PCDH11X: variants seen among roughly 807,000 people sequenced by gnomAD.
PCDH11X encodes the protein protocadherin-11 X-linked.
In PCDH11X, 18 loss-of-function variants were observed where a neutral mutation model predicts 53.3. That is an observed-to-expected ratio of 0.34 (90% CI 0.23 to 0.50). The LOEUF (loss-of-function observed/expected upper bound fraction) is 0.50. PCDH11X is among the 20% of genes least tolerant of loss of function. PCDH11X has a pLI of 0.98. For missense variants in PCDH11X, 570 were observed against 1,032.4 expected, an observed-to-expected ratio of 0.55 and a Z score of 6.14; for synonymous variants, 279 against 393.3, an observed-to-expected ratio of 0.71 and a Z score of 3.44.
At chrX:92,510,205 C>T (rs1250747718) in intron 10 of PCDH11X, among the ~76,000 whole-genome samples, 22 of 105,820 alleles carry the variant, frequency 2.1e-4, no homozygotes, top group Non-Finnish European at 3.3e-4. Context: ...GTGTAACTAA[C>T]AGGGATCATT....
intron 6 of PCDH11X, among the ~76,000 whole-genome samples, chrX:92,049,829 A>G (rs1602754507): frequency 9.0e-6 from 1 of 111,706 alleles, no homozygotes; most frequent in African/African-American, 3.3e-5. Context: ...TCTGGAATGC[A>G]GTGGCACAAT....
At chrX:91,992,920 G>A (rs746069085) in intron 6 of PCDH11X, among the ~76,000 whole-genome samples, 5 of 111,866 alleles carry the variant, frequency 4.5e-5, no homozygotes, top group African/African-American at 1.6e-4. Flanking sequence ...CACTACTGGT[G>A]TAAATGGGGT....
intron 9 of PCDH11X, among the ~76,000 whole-genome samples, chrX:92,419,332 C>T (rs1462704513): frequency 5.0e-5 from 5 of 99,517 alleles, no homozygotes; most frequent in Non-Finnish European, 1.0e-4. Flanking sequence ...GTTGCCCCAG[C>T]TGGCTCAAAC....
intron 4 of PCDH11X, among the ~76,000 whole-genome samples, chrX:91,820,860 G>C (rs1348426001): frequency 9.6e-6 from 1 of 103,897 alleles, no homozygotes; most frequent in African/African-American, 4.1e-5. Flanking sequence ...TAAGGTGTAA[G>C]GAAGGGATCC....
In PCDH11X at chrX:92,494,589, A is replaced by T. The variant is rs1196815205; in HGVS notation, c.3367+26267A>T. ...CCTTGTTTTTGCCAGTGGATTTTTT[A>T]GGCCGGCACCACTGTAATCCATTAT... On this transcript the variant is annotated intron_variant, in intron 10 of 10. Coordinates refer to ENST00000682573, the MANE Select transcript of PCDH11X (RefSeq NM_032968.5). 3.6e-5 allele frequency among the ~76,000 whole-genome samples: 4 copies of T among 111,576 alleles called. No homozygotes were observed. The East Asian group carries it at 8.5e-4, about 24-fold the overall frequency.
At chrX:91,793,640 G>A in intron 1 of PCDH11X, among the ~76,000 whole-genome samples, 1 of 111,581 alleles carries the variant, frequency 9.0e-6, no homozygotes, top group Non-Finnish European at 1.9e-5. Context: ...AACTTCAAGG[G>A]ATTGTCTTCT....
chrX:91,826,114 A>C (rs1007289545), intron 4 of PCDH11X, among the ~76,000 whole-genome samples: 3 of 111,728 alleles, frequency 2.7e-5, no homozygotes, highest in African/African-American at 9.8e-5. Context: ...GGTTAATATT[A>C]CATTTATATT....
At chrX:92,545,444 C>G (rs1277011731) in intron 10 of PCDH11X, among the ~76,000 whole-genome samples, 15 of 94,576 alleles carry the variant, frequency 1.6e-4, no homozygotes, top group Non-Finnish European at 2.9e-4. Flanking sequence ...CTCTGTCACC[C>G]AGGCTGGAAT....
intron 6 of PCDH11X, among the ~76,000 whole-genome samples, chrX:92,129,052 T>C (rs1404263109): frequency 1.8e-5 from 2 of 110,809 alleles, no homozygotes; most frequent in Non-Finnish European, 3.8e-5. Flanking sequence ...CCATAAATAG[T>C]GTATATTTCT....
chrX:91,948,360 G>T (rs1275843157), intron 6 of PCDH11X, among the ~76,000 whole-genome samples: 1 of 110,108 alleles, frequency 9.1e-6, no homozygotes, highest in Non-Finnish European at 1.9e-5. Context: ...TTCTGTTACA[G>T]CCAGAAAGGA....
intron 5 of PCDH11X, among the ~76,000 whole-genome samples, chrX:91,862,091 T>C (rs1938705984): frequency 9.1e-6 from 1 of 109,623 alleles, no homozygotes; most frequent in South Asian, 4.1e-4. Flanking sequence ...GTCTGATTTT[T>C]GTATCTGGGT....
rs12560026 is a variant in PCDH11X, at chrX:92,271,982, C to T, written c.3144+8839C>T. 0.021 allele frequency among the ~76,000 whole-genome samples: 2,322 copies of T among 111,698 alleles called. 103 individuals carry two copies. The East Asian group carries it at 0.28, about 13-fold the overall frequency. On this transcript the variant is annotated intron_variant, in intron 8 of 10. Transcript: ENST00000682573. ...TATCAGGAGATCAGACTCATGGAGG[C>T]GGATGAAATTTGACAATACATGATG...
Position 92,530,694 on chromosome X carries a change from C to T in PCDH11X, c.3367+62372C>T, listed in dbSNP as rs1168837594. Among the ~76,000 whole-genome samples the T allele has an allele frequency of 5.4e-5, 6 of 111,956 alleles. No individual in the cohort carries two copies. The South Asian group carries it at 1.1e-3, about 20-fold the overall frequency. ...TCACCTGGGTGATGAATATTTGAAT[C>T]GATTGTTTTTAGCTTAAGTTTTTTT... On this transcript the variant is annotated intron_variant, in intron 10 of 10. Coordinates refer to ENST00000682573, the MANE Select transcript of PCDH11X (RefSeq NM_032968.5).
intron 4 of PCDH11X, among the ~76,000 whole-genome samples, chrX:91,825,350 G>C (rs1490196755): frequency 9.0e-6 from 1 of 111,544 alleles, no homozygotes; most frequent in Non-Finnish European, 1.9e-5. Context: ...AGGACCTTCC[G>C]AGCCAGGTGC....
intron 4 of PCDH11X, among the ~76,000 whole-genome samples, chrX:91,821,403 G>A (rs1381714402): frequency 1.5e-4 from 16 of 109,531 alleles, no homozygotes; most frequent in Admixed American, 3.9e-4. Context: ...CTTGTAAGTT[G>A]GATTCCTAGG....
intron 1 of PCDH11X, among the ~76,000 whole-genome samples, chrX:91,784,251 C>A (rs1302435951): frequency 8.9e-6 from 1 of 111,944 alleles, no homozygotes; most frequent in Non-Finnish European, 1.9e-5. Context: ...GAATTGAATA[C>A]ATTGATGTAT....
intron 9 of PCDH11X, among the ~76,000 whole-genome samples, chrX:92,425,684 G>C: frequency 1.0e-5 from 1 of 97,771 alleles, no homozygotes; most frequent in East Asian, 3.4e-4. Flanking sequence ...ACCATAAGAA[G>C]GGATGAGATC....
intron 6 of PCDH11X, among the ~76,000 whole-genome samples, chrX:92,001,627 C>T (rs756534475): frequency 1.8e-5 from 2 of 108,470 alleles, no homozygotes; most frequent in African/African-American, 6.7e-5. Flanking sequence ...CACCACCATG[C>T]CTAGCTAAAT....
intron 6 of PCDH11X, among the ~76,000 whole-genome samples, chrX:92,081,573 C>T (rs753572817): frequency 9.1e-6 from 1 of 110,391 alleles, no homozygotes; most frequent in South Asian, 3.9e-4. Context: ...TCACTAATAA[C>T]TTGAAGCTTA....
Sources: allele counts gnomAD v4.1 joint callset (sites outside exome capture counted in the v4.1 genomes callset), GRCh38; gene constraint gnomAD v4.1.1; transcripts MANE v1.5; gene names NCBI Gene and HGNC (gene_info 2026-07-23, HGNC 2026-07-21).